The following LAMA2 variants were observed in gnomAD, a reference collection of about 807,000 sequenced individuals.
LAMA2 encodes the protein laminin subunit alpha-2.
LAMA2 carries 269 observed loss-of-function variants against 364.8 expected under a neutral mutation model. The observed-to-expected ratio is 0.74, with a 90% CI of 0.67 to 0.82. LAMA2 has a LOEUF of 0.82. LAMA2 is among the 40% of genes least tolerant of loss of function. The pLI is 0.00. For synonymous variants in LAMA2, 1,379 were observed against 1,370.6 expected (o/e 1.01, Z -0.14); for missense variants, 3,807 against 3,873.2 (o/e 0.98, Z 0.45).
chr6:129,356,256 T>C (rs1429010560), intron 32 of LAMA2, among the ~76,000 whole-genome samples: 1 of 152,126 alleles, frequency 6.6e-6, no homozygotes. Context: ...CAGTCTCTCA[T>C]AGTTAGTGAC....
At chr6:129,386,600 G>A (rs903634503) in intron 35 of LAMA2, among the ~76,000 whole-genome samples, 1 of 152,018 alleles carries the variant, frequency 6.6e-6, no homozygotes, top group Admixed American at 6.6e-5. Flanking sequence ...TGTTAAATGA[G>A]GGTAAGTAAA....
chr6:128,969,015 C>T (rs1278453100), intron 1 of LAMA2, among the ~76,000 whole-genome samples: 1 of 152,104 alleles, frequency 6.6e-6, no homozygotes. Flanking sequence ...TTGGTAGGTT[C>T]GGTTTCTATA....
intron 14 of LAMA2, among the ~76,000 whole-genome samples, chr6:129,258,767 A>C (rs938442024): frequency 6.6e-6 from 1 of 152,076 alleles, no homozygotes; most frequent in East Asian, 1.9e-4. Flanking sequence ...AATGACAAGA[A>C]AAGTAAATGC....
rs1187754392 is a variant in LAMA2 at position 129,283,200 on chromosome 6, AC to A, written c.2537+3054del. ...GATGATACCTTTGCTAAGATTCTAG[AC>A]TTTTATCATCTGGACAAGAGGAGAA... On this transcript the variant is annotated intron_variant, in intron 18 of 64. Coordinates refer to ENST00000421865, the MANE Select transcript of LAMA2 (RefSeq NM_000426.4). Among the ~76,000 whole-genome samples, 3 of 152,108 alleles carry A rather than the reference AC, an allele frequency of 2.0e-5. No homozygotes were observed. In the East Asian group the frequency reaches 5.8e-4, roughly 29 times the overall value.
intron 15 of LAMA2, among the ~76,000 whole-genome samples, chr6:129,266,455 C>G (rs1384378025): frequency 6.6e-6 from 1 of 151,962 alleles, no homozygotes; most frequent in African/African-American, 2.4e-5. Flanking sequence ...AATAAGCTAT[C>G]AAGAATGTGA....
At chr6:128,944,333 T>G (rs1388108089) in intron 1 of LAMA2, among the ~76,000 whole-genome samples, 2 of 152,200 alleles carry the variant, frequency 1.3e-5, no homozygotes, top group Non-Finnish European at 2.9e-5. Flanking sequence ...AATGCTCATC[T>G]AAAATAAGAA....
intron 1 of LAMA2, among the ~76,000 whole-genome samples, chr6:128,886,821 T>C (rs540314242): frequency 5.3e-4 from 80 of 152,306 alleles, no homozygotes; most frequent in African/African-American, 1.9e-3. Flanking sequence ...CAGAAATAGC[T>C]GAATTGTGTT....
chr6:129,274,016 T>C (rs960708455), intron 17 of LAMA2, among the ~76,000 whole-genome samples: 1 of 151,966 alleles, frequency 6.6e-6, no homozygotes, highest in African/African-American at 2.4e-5. Context: ...CAATTTATTT[T>C]AAATTCCAGC....
chr6:128,895,539 T>G (rs1182691054), intron 1 of LAMA2, among the ~76,000 whole-genome samples: 2 of 149,274 alleles, frequency 1.3e-5, no homozygotes, highest in Non-Finnish European at 3.0e-5. Context: ...TGCCAGGTAC[T>G]CTGGAGGCTG....
At chr6:129,230,222 G>A (rs530326449) in intron 12 of LAMA2, among the ~76,000 whole-genome samples, 3 of 152,162 alleles carry the variant, frequency 2.0e-5, no homozygotes, top group Non-Finnish European at 4.4e-5. Context: ...TGTATTGAAA[G>A]TCATTTGAAT....
At chr6:128,996,216 A>G (rs1309135286) in intron 1 of LAMA2, among the ~76,000 whole-genome samples, 2 of 152,186 alleles carry the variant, frequency 1.3e-5, no homozygotes, top group Non-Finnish European at 2.9e-5. Flanking sequence ...AGACAGGAGA[A>G]TGAGAAAGAG....
intron 47 of LAMA2, 116 bp from the exon 48 acceptor site, chr6:129,456,219 T>C: frequency 2.0e-6 from 2 of 1,020,064 alleles, no homozygotes; most frequent in Non-Finnish European, 3.1e-6. Flanking sequence ...TTCTCTTAAA[T>C]TCTTAAAAAC....
chr6:128,945,830 G>A (rs1434641844), intron 1 of LAMA2, among the ~76,000 whole-genome samples: 1 of 152,154 alleles, frequency 6.6e-6, no homozygotes. Context: ...CCATGATTAG[G>A]TAACATTTTA....
chr6:128,891,639 C>T lies in LAMA2; in HGVS notation c.112+8282C>T, dbSNP rs371028651. 1.2e-4 allele frequency among the ~76,000 whole-genome samples: 18 copies of T among 152,128 alleles called. No homozygotes were observed. The East Asian group carries it at 2.1e-3, about 18-fold the overall frequency. Reference sequence around the variant, plus strand: ...AAATGAATTAAACCTAACAACCTAACATGACATTCTCTGGCTGAAAGAAAC... The same window carrying T: ...AAATGAATTAAACCTAACAACCTAATATGACATTCTCTGGCTGAAAGAAAC... On this transcript the variant is annotated intron_variant, in intron 1 of 64. Transcript: ENST00000421865.
rs767988083 is a variant in LAMA2, at chr6:129,502,771, G to T, written c.8357G>T (p.Arg2786Leu). 9 of 1,587,134 alleles carry T rather than the reference G, an allele frequency of 5.7e-6. No individual in the cohort carries two copies. The highest frequency in any genetic ancestry group is 2.2e-5 in the South Asian group (2 of 90,536). ...IAFDDTKVKN[R>L]LTIELEVRTE... ...TTTGATGACACCAAAGTTAAAAACC[G>T]GTATGTATCATCCTGAGACACTGGG... Residue 2786 changes from arginine (R) to leucine (L), a missense_variant and splice_region_variant, in exon 59 of 65, where the codon CGT becomes CTT. Coordinates refer to ENST00000421865, the MANE Select transcript of LAMA2 (RefSeq NM_000426.4).
intron 12 of LAMA2, among the ~76,000 whole-genome samples, chr6:129,223,118 T>A (rs1394602742): frequency 2.6e-5 from 4 of 152,240 alleles, no homozygotes; most frequent in Non-Finnish European, 4.4e-5. Flanking sequence ...TTTTCATGTG[T>A]CTGCTGGCTG....
At chr6:129,260,609 A>C (rs956436648) in intron 14 of LAMA2, 102 bp from the exon 15 acceptor site, 3 of 793,210 alleles carry the variant, frequency 3.8e-6, no homozygotes, top group Non-Finnish European at 6.8e-6. Flanking sequence ...CTCAGCATGC[A>C]TAATTGGCTT....
At chr6:128,914,577 C>T (rs1459764698) in intron 1 of LAMA2, among the ~76,000 whole-genome samples, 3 of 152,116 alleles carry the variant, frequency 2.0e-5, no homozygotes. Context: ...TCACTTCAAA[C>T]GAAGATGTTG....
intron 3 of LAMA2, among the ~76,000 whole-genome samples, chr6:129,091,898 A>T (rs1774853017): frequency 1.3e-5 from 2 of 152,228 alleles, no homozygotes; most frequent in African/African-American, 4.8e-5. Flanking sequence ...CTGTATAAGT[A>T]TCTCTTCAGG....
Sources: gnomAD v4.1 joint callset for allele counts (sites outside exome capture counted in the v4.1 genomes callset) on GRCh38, gnomAD v4.1.1 for gene constraint, MANE v1.5 for transcripts, NCBI Gene and HGNC (gene_info 2026-07-23, HGNC 2026-07-21) for gene names.